SLCO3A1: variants seen among roughly 807,000 people sequenced by gnomAD.
SLCO3A1 encodes PGE1 transporter.
Under a neutral mutation model 63.1 loss-of-function variants are expected in SLCO3A1, and 27 were observed. That is an observed-to-expected ratio of 0.43 (90% CI 0.32 to 0.59). The LOEUF (loss-of-function observed/expected upper bound fraction) is 0.59, where lower values mean the gene tolerates loss of function less well. Among genes scored for constraint, SLCO3A1 ranks in the 20% least tolerant of loss-of-function variants. The probability of loss-of-function intolerance (pLI) is 0.09; values close to 1 mark genes in which losing one functional copy is unlikely to be tolerated. For missense variants in SLCO3A1, 773 were observed against 945.8 expected, an observed-to-expected ratio of 0.82 and a Z score of 2.40; for synonymous variants, 473 against 409.9, an observed-to-expected ratio of 1.15 and a Z score of -1.86.
Position 91,872,596 on chromosome 15 carries a change from C to G in SLCO3A1, c.180+18508C>G, listed in dbSNP as rs2151335419. Among the ~76,000 whole-genome samples, 1 of 152,252 alleles carries G rather than the reference C, an allele frequency of 6.6e-6. No individual in the cohort carries two copies. Among genetic ancestry groups the G allele is most frequent in the South Asian group, 2.1e-4 (1 of 4,820 alleles). On this transcript the variant is annotated intron_variant, in intron 1 of 9. Coordinates refer to ENST00000318445, the MANE Select transcript of SLCO3A1 (RefSeq NM_013272.4). The surrounding 1 kb of genome is among the most constrained non-coding windows in gnomAD (Gnocchi z 4.1). ...CGTGCCCAAGCCCAAGTTGGCACAG[C>G]TAGTGTTTGATCTTGAGTCTCTTGG...
chr15:92,125,088 G>A (rs1004826814), intron 5 of SLCO3A1, among the ~76,000 whole-genome samples: 1 of 152,162 alleles, frequency 6.6e-6, no homozygotes, highest in African/African-American at 2.4e-5. Flanking sequence ...TTTTCTTGCA[G>A]AGCTATACCC....
At chr15:92,145,710 G>A (rs1174541146) in intron 7 of SLCO3A1, among the ~76,000 whole-genome samples, 1 of 152,174 alleles carries the variant, frequency 6.6e-6, no homozygotes, top group Non-Finnish European at 1.5e-5. Context: ...GGGGCCTCGG[G>A]ATCTTCTGGG....
chr15:92,048,117 T>C (rs1346148514), intron 2 of SLCO3A1, among the ~76,000 whole-genome samples: 1 of 152,100 alleles, frequency 6.6e-6, no homozygotes, highest in Non-Finnish European at 1.5e-5. Context: ...CTCTGCTCTG[T>C]CCCTGAGTGG....
Position 92,164,043 on chromosome 15 carries a change from A to G in SLCO3A1, c.*908A>G, listed in dbSNP as rs1194740298. 1.0e-6 allele frequency: 1 copy of G among 984,796 alleles called. No homozygotes were observed. Among genetic ancestry groups the G allele is most frequent in the Non-Finnish European group, 1.2e-6 (1 of 829,438 alleles). 61.0% of individuals were successfully genotyped at this position (984,796 alleles called of 1,614,324 possible). ...AACATTTTGCCATTTTTAAAAGAAA[A>G]AAATACAATCCATATGAATTTCAAA... On this transcript the variant is annotated 3_prime_UTR_variant, in exon 10 of 10. Transcript: ENST00000318445.
chr15:91,971,336 A>G lies in SLCO3A1; in HGVS notation c.646+54878A>G, dbSNP rs551857309. Among the ~76,000 whole-genome samples, 96 of 138,892 alleles carry G rather than the reference A, an allele frequency of 6.9e-4. 2 individuals carry two copies. In the South Asian group the frequency reaches 0.022, roughly 32 times the overall value. 91.1% of individuals were successfully genotyped at this position (138,892 alleles called of 152,430 possible). A position where few individuals can be genotyped will look rare whatever the true frequency, so the allele number is the denominator to read the frequency against. ...GGTGAACCCGGGAGGCGGAGCTTGC[A>G]GTGAGCCGAGGTCGTGCCACTGCAC... On this transcript the variant is annotated intron_variant, in intron 2 of 9. Transcript: ENST00000318445.
At position 91,922,198 on chromosome 15, in the gene SLCO3A1, A is replaced by G. The variant is rs528987886; in HGVS notation, c.646+5740A>G. On this transcript the variant is annotated intron_variant, in intron 2 of 9. Transcript: ENST00000318445. ...TAGGCAGACACACGCGCGTGCACGC[A>G]CACACACACACGGCACAGAGACAGG... Among the ~76,000 whole-genome samples the G allele has an allele frequency of 3.0e-3, 449 of 152,148 alleles. 3 individuals carry two copies. The highest frequency in any genetic ancestry group is 4.5e-3 in the Non-Finnish European group (309 of 67,970).
Position 92,054,647 on chromosome 15 carries a change from C to T in SLCO3A1, c.647-40234C>T, listed in dbSNP as rs561279936. 1.3e-3 allele frequency among the ~76,000 whole-genome samples: 200 copies of T among 152,070 alleles called. 1 individual carries two copies. Among genetic ancestry groups the T allele is most frequent in the African/African-American group, 4.7e-3 (194 of 41,462 alleles). ...GCCCCAGGGTGTGTTGTTCCCCTCC[C>T]TGTGTCCATGTGTTCTCATTGTTCA... On this transcript the variant is annotated intron_variant, in intron 2 of 9. Transcript: ENST00000318445.
intron 1 of SLCO3A1, among the ~76,000 whole-genome samples, chr15:91,879,317 A>T (rs79446068): frequency 2.4e-5 from 3 of 126,462 alleles, no homozygotes; most frequent in South Asian, 2.7e-4. Flanking sequence ...TTTTTTTTTT[A>T]AAGCCACCAT....
intron 2 of SLCO3A1, among the ~76,000 whole-genome samples, chr15:92,008,663 A>T (rs2030208): frequency 2.0e-5 from 3 of 152,232 alleles, no homozygotes; most frequent in Non-Finnish European, 2.9e-5. Flanking sequence ...TTGGTAGAAC[A>T]TAAGGGTTTT....
At chr15:92,034,646 T>G (rs2046700753) in intron 2 of SLCO3A1, among the ~76,000 whole-genome samples, 1 of 151,664 alleles carries the variant, frequency 6.6e-6, no homozygotes, top group Non-Finnish European at 1.5e-5. Flanking sequence ...AGAAAGTATT[T>G]CCAGGAGGAA....
In SLCO3A1 at chr15:91,885,651, T is replaced by C. The variant is rs567136584; in HGVS notation, c.181-30342T>C. ...GCCCTTGAACAAGTGCATCATTCTC[T>C]GTCCTTGATTTCATTCACAGTAGAC... is the stretch of plus-strand genomic sequence containing the variant. On this transcript the variant is annotated intron_variant, in intron 1 of 9. Transcript: ENST00000318445. The surrounding 1 kb of genome is among the most constrained non-coding windows in gnomAD (Gnocchi z 4.7). Among the ~76,000 whole-genome samples, 3 of 152,348 alleles carry C rather than the reference T, an allele frequency of 2.0e-5. No homozygotes were observed. The highest frequency in any genetic ancestry group is 2.9e-5 in the Non-Finnish European group (2 of 68,020).
At chr15:92,091,527 G>A (rs970673912) in intron 2 of SLCO3A1, among the ~76,000 whole-genome samples, 15 of 152,328 alleles carry the variant, frequency 9.8e-5, no homozygotes, top group Admixed American at 9.1e-4. Context: ...CATAACCGTT[G>A]TTAGCTCAGA....
chr15:92,137,411 G>A (rs2048073509), intron 7 of SLCO3A1, among the ~76,000 whole-genome samples: 1 of 98,268 alleles, frequency 1.0e-5, no homozygotes, highest in Admixed American at 1.1e-4. Context: ...CTTTGCTATT[G>A]TGAATAATGC....
rs552375068 is a variant in SLCO3A1 at position 92,084,256 on chromosome 15, C to T, written c.647-10625C>T. ...CAGAGTTTACCTAAGTGATTTAAAA[C>T]GTCATAAAAAAAGAAAATCCTGCTG... On this transcript the variant is annotated intron_variant, in intron 2 of 9. Coordinates refer to ENST00000318445, the MANE Select transcript of SLCO3A1 (RefSeq NM_013272.4). 6.8e-4 allele frequency among the ~76,000 whole-genome samples: 103 copies of T among 152,194 alleles called. 1 individual carries two copies. The highest frequency in any genetic ancestry group is 1.2e-3 in the Non-Finnish European group (80 of 68,014).
chr15:91,884,373 G>T (rs1399929650), intron 1 of SLCO3A1, among the ~76,000 whole-genome samples: 1 of 152,086 alleles, frequency 6.6e-6, no homozygotes, highest in Non-Finnish European at 1.5e-5. Flanking sequence ...TTAGCCAGAT[G>T]TGGTGGGCAG....
At chr15:92,006,898 A>G (rs2046319469) in intron 2 of SLCO3A1, among the ~76,000 whole-genome samples, 1 of 152,224 alleles carries the variant, frequency 6.6e-6, no homozygotes, top group South Asian at 2.1e-4. Flanking sequence ...CCTTTATTTG[A>G]TCTCTGTTTT....
chr15:91,870,650 T>C (rs2151333420), intron 1 of SLCO3A1, among the ~76,000 whole-genome samples: 1 of 152,348 alleles, frequency 6.6e-6, no homozygotes, highest in Middle Eastern at 3.4e-3. Context: ...AGGCACCAAT[T>C]GTCTGTATGT....
intron 3 of SLCO3A1, among the ~76,000 whole-genome samples, chr15:92,101,433 C>T (rs2047603601): frequency 6.6e-6 from 1 of 152,050 alleles, no homozygotes; most frequent in African/African-American, 2.4e-5. Context: ...CGCTTGAACC[C>T]AGGAGGTGGA....
chr15:91,889,854 T>A (rs147370292), intron 1 of SLCO3A1, among the ~76,000 whole-genome samples: 1 of 151,130 alleles, frequency 6.6e-6, no homozygotes, highest in Admixed American at 6.5e-5. Flanking sequence ...CTGAGCGATT[T>A]TCTGTTACAT....
Sources: gnomAD v4.1 joint callset for allele counts (sites outside exome capture counted in the v4.1 genomes callset) on GRCh38, gnomAD v4.1.1 for gene constraint, Gnocchi (gnomAD v3.1) non-coding constraint, MANE v1.5 for transcripts, NCBI Gene and HGNC (gene_info 2026-07-23, HGNC 2026-07-21) for gene names.